Variants in SDCCAG8 observed in about 807,000 individuals in gnomAD.
SDCCAG8 encodes serologically defined colon cancer antigen 8.
SDCCAG8 carries 74 observed loss-of-function variants against 101.8 expected under a neutral mutation model. That is an observed-to-expected ratio of 0.73 (90% confidence interval 0.60 to 0.88). The LOEUF (loss-of-function observed/expected upper bound fraction) is 0.88. Ranked by LOEUF, SDCCAG8 falls within the 40% of genes least tolerant of loss-of-function variation. The pLI is 0.00. For missense variants in SDCCAG8, 787 were observed against 822.6 expected, an observed-to-expected ratio of 0.96 and a Z score of 0.53; for synonymous variants, 281 against 292.9, an observed-to-expected ratio of 0.96 and a Z score of 0.41.
At chr1:243,476,152 TGA>T in intron 16 of SDCCAG8, 1 of 985,512 alleles carries the variant, frequency 1.0e-6, no homozygotes, top group Non-Finnish European at 1.2e-6. Context: ...ATTTTATTTC[TGA>T]GTCACTCTGT....
chr1:243,359,641 C>T lies in SDCCAG8; in HGVS notation c.1473+15310C>T, dbSNP rs2076582925. On this transcript the variant is annotated intron_variant, in intron 12 of 17. Transcript: ENST00000366541. ...GCCCCACAAAACTGAAATGACATGCCAGAAGTGGCTGTAAGGTCCTTAAAG... is the reference window on the plus strand; with the variant it reads ...GCCCCACAAAACTGAAATGACATGCTAGAAGTGGCTGTAAGGTCCTTAAAG... 3.3e-5 allele frequency among the ~76,000 whole-genome samples: 5 copies of T among 152,228 alleles called. No individual in the cohort carries two copies. In the South Asian group the frequency reaches 1.0e-3, roughly 32 times the overall value.
chr1:243,342,054 T>G (rs564647153), intron 11 of SDCCAG8, among the ~76,000 whole-genome samples: 1 of 152,204 alleles, frequency 6.6e-6, no homozygotes, highest in Non-Finnish European at 1.5e-5. Context: ...TTTACCCTTT[T>G]TCTTGAGTTT....
chr1:243,276,007 GC>G (rs1339057366), intron 4 of SDCCAG8, among the ~76,000 whole-genome samples: 1 of 151,882 alleles, frequency 6.6e-6, no homozygotes, highest in Non-Finnish European at 1.5e-5. Flanking sequence ...GGGATTACAG[GC>G]CTGCGCCACC....
intron 16 of SDCCAG8, among the ~76,000 whole-genome samples, chr1:243,454,724 C>T (rs903463033): frequency 6.6e-6 from 1 of 152,114 alleles, no homozygotes; most frequent in African/African-American, 2.4e-5. Context: ...AGCCTGTGCT[C>T]CTGTACTATC....
chr1:243,325,367 G>A (rs757171024), intron 9 of SDCCAG8, among the ~76,000 whole-genome samples: 35 of 152,144 alleles, frequency 2.3e-4, no homozygotes, highest in South Asian at 4.2e-4. Context: ...AAGGTATGTT[G>A]AAACACACTA....
chr1:243,377,154 G>A lies in SDCCAG8; in HGVS notation c.1474-1567G>A, dbSNP rs550181403. Among the ~76,000 whole-genome samples the A allele has an allele frequency of 4.6e-5, 7 of 152,192 alleles. No individual in the cohort carries two copies. The South Asian group carries it at 1.5e-3, about 32-fold the overall frequency. ...TGAATTATTAACTACTGAGTTTAGA[G>A]ATGGGAACTCTGAATTCATCATATT... is the stretch of plus-strand genomic sequence containing the variant. On this transcript the variant is annotated intron_variant, in intron 12 of 17. Transcript: ENST00000366541.
In SDCCAG8 at chr1:243,270,132, T is replaced by A. The variant is rs2067969076; in HGVS notation, c.95T>A (p.Leu32Gln). The part of the protein sequence containing the change: ...REHASRSIHQ[L>Q]TCALKEGDVT... ...CATGCCAGCAGAAGCATTCACCAACTGACATGTGCCCTGAAAGAAGGCGAT... is the reference window on the plus strand; with the variant it reads ...CATGCCAGCAGAAGCATTCACCAACAGACATGTGCCCTGAAAGAAGGCGAT... Residue 32 changes from leucine to glutamine, a missense_variant, in exon 2 of 18, where the codon CTG becomes CAG. Coordinates refer to ENST00000366541, the MANE Select transcript of SDCCAG8 (RefSeq NM_006642.5). 6.2e-7 allele frequency: 1 copy of A among 1,614,090 alleles called. No individual in the cohort carries two copies. The highest frequency in any genetic ancestry group is 1.3e-5 in the African/African-American group (1 of 74,922).
intron 8 of SDCCAG8, 97 bp from the exon 9 acceptor site, chr1:243,316,658 G>T (rs1558283237): frequency 1.4e-6 from 2 of 1,457,154 alleles, no homozygotes; most frequent in Non-Finnish European, 9.6e-7. Flanking sequence ...GCCTACCCTG[G>T]CTCTTCTAAT....
intron 8 of SDCCAG8, among the ~76,000 whole-genome samples, chr1:243,316,539 G>A (rs750832967): frequency 2.6e-5 from 4 of 152,244 alleles, no homozygotes; most frequent in South Asian, 2.1e-4. Context: ...CACAGATGCC[G>A]TCCTGCCACG....
intron 12 of SDCCAG8, among the ~76,000 whole-genome samples, chr1:243,370,613 A>G (rs2077234689): frequency 6.6e-6 from 1 of 152,082 alleles, no homozygotes; most frequent in Non-Finnish European, 1.5e-5. Context: ...GCTTTATATC[A>G]GATGTCTGAA....
At chr1:243,362,575 C>T (rs993004946) in intron 12 of SDCCAG8, among the ~76,000 whole-genome samples, 1 of 152,206 alleles carries the variant, frequency 6.6e-6, no homozygotes, top group Non-Finnish European at 1.5e-5. Context: ...CTATGTTAAC[C>T]TCATAGTACA....
intron 16 of SDCCAG8, among the ~76,000 whole-genome samples, chr1:243,471,820 G>A (rs778451708): frequency 1.2e-4 from 18 of 152,108 alleles, no homozygotes; most frequent in Non-Finnish European, 2.1e-4. Context: ...TGAAAGCATT[G>A]GACTATTAGG....
chr1:243,279,639 T>A (rs1016851024), intron 4 of SDCCAG8, among the ~76,000 whole-genome samples: 3 of 152,230 alleles, frequency 2.0e-5, no homozygotes, highest in Admixed American at 6.5e-5. Context: ...TGTCAAAAGC[T>A]TTTCCTGCCT....
At chr1:243,426,876 AT>A (rs2081377503) in intron 16 of SDCCAG8, among the ~76,000 whole-genome samples, 1 of 152,232 alleles carries the variant, frequency 6.6e-6, no homozygotes, top group South Asian at 2.1e-4. Context: ...ATTTCAAATT[AT>A]CTCTCCTAGA....
intron 4 of SDCCAG8, among the ~76,000 whole-genome samples, chr1:243,275,455 TA>T (rs377545876): frequency 9.2e-5 from 14 of 152,292 alleles, no homozygotes; most frequent in African/African-American, 3.4e-4. Flanking sequence ...GTATGTAACT[TA>T]AGGAGGCTTT....
intron 16 of SDCCAG8, among the ~76,000 whole-genome samples, chr1:243,480,578 G>A (rs1314454327): frequency 1.1e-5 from 1 of 92,278 alleles, no homozygotes. Context: ...GGATGGGTGG[G>A]TGGGATGGAT....
At chr1:243,436,256 G>A (rs145179036) in intron 16 of SDCCAG8, among the ~76,000 whole-genome samples, 2 of 151,852 alleles carry the variant, frequency 1.3e-5, no homozygotes, top group East Asian at 3.9e-4. Context: ...TCCCGAGCGG[G>A]TTGCCCCAAC....
chr1:243,284,884 G>A (rs990889692), intron 4 of SDCCAG8, among the ~76,000 whole-genome samples: 3 of 151,960 alleles, frequency 2.0e-5, no homozygotes, highest in African/African-American at 7.3e-5. Context: ...GGGTCTTCCT[G>A]GAATTTTTTT....
intron 16 of SDCCAG8, among the ~76,000 whole-genome samples, chr1:243,426,815 G>A (rs2081373624): frequency 6.6e-6 from 1 of 152,156 alleles, no homozygotes. Context: ...AAGAATGGAG[G>A]AAAGCCATTT....
Sources: allele counts gnomAD v4.1 joint callset (sites outside exome capture counted in the v4.1 genomes callset), GRCh38; gene constraint gnomAD v4.1.1; transcripts MANE v1.5; gene names NCBI Gene and HGNC (gene_info 2026-07-23, HGNC 2026-07-21).